Variants in GALNTL5 observed in about 807,000 individuals in gnomAD.
GALNTL5 encodes the protein inactive polypeptide N-acetylgalactosaminyltransferase-like protein 5.
Under a neutral mutation model 51.0 loss-of-function variants are expected in GALNTL5, and 44 were observed. The ratio of observed to expected loss-of-function variants is 0.86; its 90% CI spans 0.68 to 1.11. The LOEUF (loss-of-function observed/expected upper bound fraction) is 1.11, where lower values mean the gene tolerates loss of function less well. Ranked by LOEUF, GALNTL5 falls within the 50% of genes least tolerant of loss-of-function variation. The pLI, the probability that GALNTL5 is intolerant of heterozygous loss-of-function variation, is 0.00. For missense variants in GALNTL5, 528 were observed against 531.8 expected (o/e 0.99, Z 0.07); for synonymous variants, 192 against 182.8 (o/e 1.05, Z -0.41).
chr7:152,015,924 T>TA (rs2081807259), intron 8 of GALNTL5, among the ~76,000 whole-genome samples: 1 of 152,166 alleles, frequency 6.6e-6, no homozygotes, highest in Admixed American at 6.5e-5. Flanking sequence ...GATGAACAAA[T>TA]AGAAATGTGT....
chr7:151,981,025 T>C (rs57578446), intron 3 of GALNTL5, among the ~76,000 whole-genome samples: 59 of 151,872 alleles, frequency 3.9e-4, no homozygotes, highest in African/African-American at 1.3e-3. Context: ...GATTACAGGC[T>C]TGAGCCACCG....
intron 3 of GALNTL5, among the ~76,000 whole-genome samples, chr7:151,978,490 A>C (rs4725439): frequency 1.3e-5 from 2 of 151,718 alleles, no homozygotes; most frequent in African/African-American, 4.8e-5. Context: ...TCAGGCCCCT[A>C]CCCAAATCTC....
chr7:151,958,264 T>C (rs2080949518), intron 1 of GALNTL5, among the ~76,000 whole-genome samples: 1 of 152,200 alleles, frequency 6.6e-6, no homozygotes, highest in African/African-American at 2.4e-5. Context: ...ACTACCGACC[T>C]AGATTCTGCA....
At chr7:151,981,212 G>A (rs2081280868) in intron 3 of GALNTL5, among the ~76,000 whole-genome samples, 1 of 152,136 alleles carries the variant, frequency 6.6e-6, no homozygotes, top group Non-Finnish European at 1.5e-5. Flanking sequence ...AAGAAATGCT[G>A]ATGTCAATCA....
At position 152,014,766 on chromosome 7, in the gene GALNTL5, G is replaced by A. The variant is rs753679381; in HGVS notation, c.1149G>A (p.Leu383=). 3.1e-6 allele frequency: 5 copies of A among 1,610,862 alleles called. No homozygotes were observed. In the African/African-American group the frequency reaches 4.0e-5, roughly 13 times the overall value. Residue 383 remains leucine, a synonymous_variant, in exon 8 of 9, where the codon CTG becomes CTA. Coordinates refer to ENST00000392800, the MANE Select transcript of GALNTL5 (RefSeq NM_145292.4). ...CTATGACACATAACTACCTAAGACT[G>A]GTGCACGTTTGGCTGGATGAATATA... ...ISAMTHNYLR[L]VHVWLDEYKE... is the part of the protein sequence containing the mutation.
At chr7:151,987,873 C>T (rs1345595277) in intron 5 of GALNTL5, among the ~76,000 whole-genome samples, 1 of 152,288 alleles carries the variant, frequency 6.6e-6, no homozygotes, top group East Asian at 1.9e-4. Context: ...CAAAGGCTGC[C>T]CGTTAGGGAG....
chr7:151,971,111 A>G (rs200304039), intron 3 of GALNTL5, 46 bp downstream of exon 3: 3 of 1,211,652 alleles, frequency 2.5e-6, no homozygotes, highest in African/African-American at 3.1e-5. Flanking sequence ...AGATAGATAG[A>G]TAGATAGATA....
At chr7:152,001,843 A>G (rs1390629773) in intron 5 of GALNTL5, among the ~76,000 whole-genome samples, 1 of 152,162 alleles carries the variant, frequency 6.6e-6, no homozygotes, top group Non-Finnish European at 1.5e-5. Flanking sequence ...TCTGATCAAA[A>G]CATGAGATTT....
chr7:152,014,275 C>T (rs1301936095), intron 7 of GALNTL5, among the ~76,000 whole-genome samples: 1 of 152,050 alleles, frequency 6.6e-6, no homozygotes, highest in Non-Finnish European at 1.5e-5. Flanking sequence ...TTGTGGTTGT[C>T]GTTTTTTGTT....
intron 5 of GALNTL5, among the ~76,000 whole-genome samples, chr7:151,997,666 G>A (rs937603771): frequency 6.6e-6 from 1 of 151,974 alleles, no homozygotes; most frequent in African/African-American, 2.4e-5. Flanking sequence ...GTCTTTCTGG[G>A]TCATTAGAAT....
At chr7:151,989,358 G>A (rs1237540820) in intron 5 of GALNTL5, among the ~76,000 whole-genome samples, 2 of 151,738 alleles carry the variant, frequency 1.3e-5, no homozygotes, top group East Asian at 1.9e-4. Context: ...TCGCCATGTT[G>A]GCCAAACTGG....
At chr7:151,964,793 C>A (rs978293432) in intron 1 of GALNTL5, among the ~76,000 whole-genome samples, 3 of 152,170 alleles carry the variant, frequency 2.0e-5, no homozygotes, top group African/African-American at 4.8e-5. Flanking sequence ...ACCCAGGGAG[C>A]CGCCTGCCTT....
At chr7:151,970,210 G>A (rs1489735875) in intron 2 of GALNTL5, among the ~76,000 whole-genome samples, 1 of 147,740 alleles carries the variant, frequency 6.8e-6, no homozygotes, top group African/African-American at 2.5e-5. Flanking sequence ...GAAGGGGCGG[G>A]GGGTGGGGGT....
chr7:151,975,173 AATTCAGTAGTGAACCC>A (rs1335795167), intron 3 of GALNTL5, among the ~76,000 whole-genome samples: 1 of 152,124 alleles, frequency 6.6e-6, no homozygotes, highest in Non-Finnish European at 1.5e-5. Flanking sequence ...TCTTTAAATA[AATTCAGTAGTGAACCC>A]ATTAGGTCCT....
intron 2 of GALNTL5, among the ~76,000 whole-genome samples, chr7:151,969,958 C>T (rs551736407): frequency 2.1e-5 from 3 of 146,118 alleles, no homozygotes; most frequent in East Asian, 4.1e-4. Flanking sequence ...AGGCACCAGC[C>T]GCCACGCCTG....
chr7:152,019,702 C>G lies in GALNTL5; in HGVS notation c.1233C>G (p.Arg411=), dbSNP rs776069381. The G allele has an allele frequency of 4.3e-6, 7 of 1,613,412 alleles. No homozygotes were observed. The highest frequency in any genetic ancestry group is 5.1e-6 in the Non-Finnish European group (6 of 1,179,618). Residue 411 remains arginine, a synonymous_variant, in exon 9 of 9, where the codon CGC becomes CGG. Transcript: ENST00000392800. ...AATATGTCACCTACGGAAATATTCG[C>G]GAGCGTGTTGAGTTAAGGAAACGAC... The part of the protein sequence containing the change: ...GLKYVTYGNI[R]ERVELRKRLG...
At position 151,997,949 on chromosome 7, in the gene GALNTL5, C is replaced by T. The variant is rs563614008; in HGVS notation, c.659-4765C>T. 2.2e-4 allele frequency among the ~76,000 whole-genome samples: 33 copies of T among 151,940 alleles called. 1 individual carries two copies. In the East Asian group the frequency reaches 3.3e-3, roughly 15 times the overall value. ...AGGTGTGGTGGCTCATGCTTGTAAT[C>T]CTAGCGCTTTAGGAGGCCAAGGCAA... On this transcript the variant is annotated intron_variant, in intron 5 of 8. Coordinates refer to ENST00000392800, the MANE Select transcript of GALNTL5 (RefSeq NM_145292.4).
At chr7:152,007,720 T>C (rs554714217) in intron 6 of GALNTL5, 107 bp from the exon 7 acceptor site, 1 of 771,218 alleles carries the variant, frequency 1.3e-6, no homozygotes, top group South Asian at 1.5e-5. Flanking sequence ...ACCCGGCCTG[T>C]TTTCTCATTT....
chr7:151,961,905 A>G (rs933573726), intron 1 of GALNTL5, among the ~76,000 whole-genome samples: 1 of 152,202 alleles, frequency 6.6e-6, no homozygotes, highest in Non-Finnish European at 1.5e-5. Flanking sequence ...TTATAAAGAA[A>G]ATCAGCAGGT....
Sources: gnomAD v4.1 joint callset for allele counts (sites outside exome capture counted in the v4.1 genomes callset) on GRCh38, gnomAD v4.1.1 for gene constraint, MANE v1.5 for transcripts, NCBI Gene and HGNC (gene_info 2026-07-23, HGNC 2026-07-21) for gene names.